The following TTN variants were observed in gnomAD, a reference collection of about 807,000 sequenced individuals.
TTN encodes the protein titin.
TTN carries 1,525 observed loss-of-function variants against 3,223.0 expected under a neutral mutation model. The observed-to-expected ratio is 0.47, with a 90% confidence interval of 0.45 to 0.49. The LOEUF (loss-of-function observed/expected upper bound fraction) is 0.49. TTN is among the 20% of genes least tolerant of loss of function. The probability of loss-of-function intolerance (pLI) is 0.00; values close to 1 mark genes in which losing one functional copy is unlikely to be tolerated. For missense variants in TTN, 40,786 were observed against 43,424.0 expected, an observed-to-expected ratio of 0.94 and a Z score of 5.40; for synonymous variants, 14,094 against 15,161.0, an observed-to-expected ratio of 0.93 and a Z score of 5.17.
chr2:178,782,647 AC>A (rs2092882506), intron 18 of TTN, 45 bp from the exon 19 acceptor site: 1 of 1,609,742 alleles, frequency 6.2e-7, no homozygotes, highest in East Asian at 2.2e-5. Flanking sequence ...ATGTTTAGTG[AC>A]CCCTGCTTAG....
At position 178,543,195 on chromosome 2, in the gene TTN, G is replaced by C. The variant is rs1695466303; in HGVS notation, c.96778C>G (p.Leu32260Val). 1.2e-6 allele frequency: 2 copies of C among 1,613,684 alleles called. No individual in the cohort carries two copies. Among genetic ancestry groups the C allele is most frequent in the Non-Finnish European group, 1.7e-6 (2 of 1,179,760 alleles). Residue 32260 changes from leucine (L) to valine (V), a missense_variant, in exon 347 of 363, where the codon CTA becomes GTA. Leu to Val is a conservative substitution (Grantham distance 32). Transcript: ENST00000589042. ...TTTAAGGAAGTAACAGTGTGCTCTA[G>C]GACTGTGGGTTTTAAGGTGACAACC... Reference protein sequence around the residue: ...MKVVTLKPTVLEHTVTSLNEG... With the variant: ...MKVVTLKPTVVEHTVTSLNEG...
At chr2:178,578,537 GT>G (rs1171759591) in intron 321 of TTN, 73 bp downstream of exon 321, 1 of 1,160,252 alleles carries the variant, frequency 8.6e-7, no homozygotes, top group African/African-American at 1.5e-5. Flanking sequence ...ATAAGCACAT[GT>G]TCAACTGTTC....
rs1397752957 is a variant in TTN at position 178,618,600 on chromosome 2, G to C, written c.46950C>G (p.Ile15650Met). Reference sequence around the variant, plus strand: ...AGGGCTTACCAATAACTTTTAAATTGATGAATCCTTCTGCTTTTCCATGTT... The same window carrying C: ...AGGGCTTACCAATAACTTTTAAATTCATGAATCCTTCTGCTTTTCCATGTT... ...QNKHGKAEGF[I>M]NLKVIDVPGP... The change falls in exon 251 of 363, where the codon ATC (isoleucine) becomes ATG (methionine). Residue 15650 changes from isoleucine to methionine, a missense_variant. Ile to Met is a conservative substitution (Grantham distance 10). Transcript: ENST00000589042. 1 of 1,611,870 alleles carries C rather than the reference G, an allele frequency of 6.2e-7. No individual in the cohort carries two copies. Among genetic ancestry groups the C allele is most frequent in the Admixed American group, 1.7e-5 (1 of 59,808 alleles).
rs1237954243 is a variant in TTN at position 178,790,159 on chromosome 2, T to C, written c.1801-44A>G. On this transcript the variant is annotated intron_variant, in intron 11 of 362. Coordinates refer to ENST00000589042, the MANE Select transcript of TTN (RefSeq NM_001267550.2). Reference sequence around the variant, plus strand: ...GTAAGAAAATAGTCATTAAATTCCATAAATCTTTAATAAAAGAAACGTAAG... The same window carrying C: ...GTAAGAAAATAGTCATTAAATTCCACAAATCTTTAATAAAAGAAACGTAAG... The C allele has an allele frequency of 3.8e-6, 6 of 1,586,528 alleles. No individual in the cohort carries two copies. The African/African-American group carries it at 8.1e-5, about 22-fold the overall frequency.
intron 10 of TTN, among the ~76,000 whole-genome samples, chr2:178,791,408 C>A (rs1182069226): frequency 6.6e-6 from 1 of 152,076 alleles, no homozygotes; most frequent in African/African-American, 2.4e-5. Flanking sequence ...TGGAAGAATT[C>A]AAGATAAATG....
chr2:178,664,124 C>G (rs766871445), intron 168 of TTN, 26 bp from the exon 169 acceptor site: 2 of 1,579,088 alleles, frequency 1.3e-6, no homozygotes, highest in South Asian at 1.1e-5. Flanking sequence ...TATTTTTACA[C>G]TCAGAAAATA....
At position 178,633,297 on chromosome 2, in the gene TTN, A is replaced by G; in HGVS notation, c.42976T>C (p.Tyr14326His). ...TCACCAACAAACACCTCTACTCCGTACAGAGGCTTTTCCACTTTTATTAGT... is the reference window on the plus strand; with the variant it reads ...TCACCAACAAACACCTCTACTCCGTGCAGAGGCTTTTCCACTTTTATTAGT... Reference protein sequence around the residue: ...ARLIKVEKPLYGVEVFVGETA... With the variant: ...ARLIKVEKPLHGVEVFVGETA... Residue 14326 changes from tyrosine (Y) to histidine (H), a missense_variant, in exon 233 of 363, where the codon TAC (tyrosine) becomes CAC (histidine). Coordinates refer to ENST00000589042, the MANE Select transcript of TTN (RefSeq NM_001267550.2). The G allele has an allele frequency of 6.2e-7, 1 of 1,613,216 alleles. No homozygotes were observed. Among genetic ancestry groups the G allele is most frequent in the Non-Finnish European group, 8.5e-7 (1 of 1,179,462 alleles).
At chr2:178,742,958 A>C (rs2154320502) in intron 47 of TTN, 1 of 152,168 alleles carries the variant, frequency 6.6e-6, no homozygotes, top group African/African-American at 2.4e-5. Context: ...TAGCATGCAG[A>C]ATACATATTC....
chr2:178,686,876 T>G (rs1308366489), intron 127 of TTN, among the ~76,000 whole-genome samples: 3 of 152,226 alleles, frequency 2.0e-5, no homozygotes, highest in Non-Finnish European at 4.4e-5. Context: ...AGGAAGTTTA[T>G]AGTGTCAAAA....
rs375061478 is a variant in TTN, at chr2:178,671,131, G to A, written c.35267C>T (p.Pro11756Leu). Residue 11756 changes from proline (P) to leucine (L), a missense_variant, in exon 156 of 363, where the codon CCG becomes CTG. Transcript: ENST00000589042. Reference protein sequence around the residue: ...ISEKIIPPKKPPTKVVPRKEP... With the variant: ...ISEKIIPPKKLPTKVVPRKEP... ...TTTTCGAGGAACAACTTTAGTGGGC[G>A]GTTTTTTTGGAGGGATGATTTTCTC... The A allele has an allele frequency of 6.9e-6, 11 of 1,603,468 alleles. No homozygotes were observed. The highest frequency in any genetic ancestry group is 4.5e-5 in the East Asian group (2 of 44,204).
chr2:178,605,954 T>C (rs551306212), intron 278 of TTN, among the ~76,000 whole-genome samples: 1 of 152,124 alleles, frequency 6.6e-6, no homozygotes, highest in Middle Eastern at 3.4e-3. Context: ...AGGGCACGTA[T>C]GCTTTTTTAA....
Position 178,573,377 on chromosome 2 carries a change from C to G in TTN, c.72755G>C (p.Ser24252Thr). The change falls in exon 326 of 363, where the codon AGT becomes ACT. Residue 24252 changes from serine to threonine, a missense_variant. Ser to Thr is a moderately conservative substitution (Grantham distance 58). Coordinates refer to ENST00000589042, the MANE Select transcript of TTN (RefSeq NM_001267550.2). ...TTCCACAATATAATTGATGATTTCACTTCCACCATCAGAATCAGGATGTCC... is the reference window on the plus strand; with the variant it reads ...TTCCACAATATAATTGATGATTTCAGTTCCACCATCAGAATCAGGATGTCC... Reference protein sequence around the residue: ...CWGHPDSDGGSEIINYIVERR... With the variant: ...CWGHPDSDGGTEIINYIVERR... 6.6e-7 allele frequency: 1 copy of G among 1,524,714 alleles called. No homozygotes were observed. Among genetic ancestry groups the G allele is most frequent in the Non-Finnish European group, 8.8e-7 (1 of 1,137,454 alleles). The allele number at this position is 1,524,714 out of a possible 1,614,324, so 94.4% of individuals were successfully genotyped here. A position where few individuals can be genotyped will look rare whatever the true frequency, so the allele number is the denominator to read the frequency against.
Position 178,768,837 on chromosome 2 carries a change from T to C in TTN, c.8999A>G (p.Lys3000Arg). ...GATTTCCACACCATTCTTTAACCAT[T>C]TGTAAGAGATGCCTTCATAGTTCAC... Reference protein sequence around the residue: ...VTVNYEGISYKWLKNGVEIKS... With the variant: ...VTVNYEGISYRWLKNGVEIKS... Residue 3000 changes from lysine to arginine, a missense_variant, in exon 38 of 363, where the codon AAA becomes AGA. Coordinates refer to ENST00000589042, the MANE Select transcript of TTN (RefSeq NM_001267550.2). The C allele has an allele frequency of 6.2e-7, 1 of 1,614,102 alleles. No individual in the cohort carries two copies. Among genetic ancestry groups the C allele is most frequent in the Non-Finnish European group, 8.5e-7 (1 of 1,180,004 alleles).
At chr2:178,619,523 TGAAAG>T in intron 250 of TTN, 93 bp downstream of exon 250, 1 of 1,476,044 alleles carries the variant, frequency 6.8e-7, no homozygotes, top group Non-Finnish European at 9.1e-7. Flanking sequence ...TTGCTAGAAA[TGAAAG>T]ACCCTCACAA....
chr2:178,722,306 G>C lies in TTN; in HGVS notation c.22481C>G (p.Ser7494Cys). The change falls in exon 77 of 363, where the codon TCC (serine) becomes TGC (cysteine). Residue 7494 changes from serine (S) to cysteine (C), a missense_variant. By Grantham distance (112) the Ser-to-Cys change is moderately radical. Coordinates refer to ENST00000589042, the MANE Select transcript of TTN (RefSeq NM_001267550.2). ...SHSGQYSCSA[S>C]NPLGTASSSA... Reference sequence around the variant, plus strand: ...AGAAGATGCTGTTCCAAGTGGGTTGGAAGCTGAGCAAGAGTACTGGCCAGA... The same window carrying C: ...AGAAGATGCTGTTCCAAGTGGGTTGCAAGCTGAGCAAGAGTACTGGCCAGA... 1 of 1,611,024 alleles carries C rather than the reference G, an allele frequency of 6.2e-7. No homozygotes were observed. Among genetic ancestry groups the C allele is most frequent in the Non-Finnish European group, 8.5e-7 (1 of 1,178,354 alleles).
intron 85 of TTN, 39 bp from the exon 86 acceptor site, chr2:178,718,260 C>T (rs754065578): frequency 3.8e-6 from 6 of 1,593,106 alleles, no homozygotes; most frequent in Non-Finnish European, 5.1e-6. Context: ...GTCAGTCATG[C>T]CATGTAAAAG....
rs770730954 is a variant in TTN at position 178,530,825 on chromosome 2, C to A, written c.105790G>T (p.Val35264Leu). ...GTTGGTTTTGTCTCTGTGGGTGATACGGCTTTCGGGTGAGAAGGTTCTGGA... is the reference window on the plus strand; with the variant it reads ...GTTGGTTTTGTCTCTGTGGGTGATAAGGCTTTCGGGTGAGAAGGTTCTGGA... ...KSPEPSHPKA[V>L]SPTETKPTPT... Residue 35264 changes from valine (V) to leucine (L), a missense_variant, in exon 358 of 363, where the codon GTA becomes TTA. By Grantham distance (32) the Val-to-Leu change is conservative (BLOSUM62 1). Coordinates refer to ENST00000589042, the MANE Select transcript of TTN (RefSeq NM_001267550.2). 6.2e-7 allele frequency: 1 copy of A among 1,613,642 alleles called. No individual in the cohort carries two copies. Among genetic ancestry groups the A allele is most frequent in the African/African-American group, 1.3e-5 (1 of 74,912 alleles).
At position 178,546,363 on chromosome 2, in the gene TTN, T is replaced by C. The variant is rs1459929156; in HGVS notation, c.94968A>G (p.Leu31656=). ...KIIWTKGDKE[L]DLCEKVSLQY... ...GCAAAGAGACTTTTTCACAGAGATC[T>C]AGCTCCTTGTCTCCTTTGGTCCAGA... The change falls in exon 342 of 363, where the codon CTA becomes CTG. Residue 31656 remains leucine (L), a synonymous_variant. Coordinates refer to ENST00000589042, the MANE Select transcript of TTN (RefSeq NM_001267550.2). The C allele has an allele frequency of 6.2e-7, 1 of 1,613,720 alleles. No individual in the cohort carries two copies. The highest frequency in any genetic ancestry group is 8.5e-7 in the Non-Finnish European group (1 of 1,179,778).
intron 111 of TTN, among the ~76,000 whole-genome samples, chr2:178,699,561 G>A (rs559050155): frequency 0.015 from 2,062 of 139,310 alleles, 151 homozygotes; most frequent in Admixed American, 0.13. Context: ...ACAGGCGCCC[G>A]CCACCGCGCC....
Sources: gnomAD v4.1 joint callset for allele counts (sites outside exome capture counted in the v4.1 genomes callset) on GRCh38, gnomAD v4.1.1 for gene constraint, MANE v1.5 for transcripts, NCBI Gene and HGNC (gene_info 2026-07-23, HGNC 2026-07-21) for gene names.